TNRC6A: variants seen among roughly 807,000 people sequenced by gnomAD.
TNRC6A encodes the protein trinucleotide repeat containing adaptor 6A.
In TNRC6A, 44 loss-of-function variants were observed where a neutral mutation model predicts 221.2. The observed-to-expected ratio is 0.20, with a 90% CI of 0.16 to 0.26. The LOEUF (loss-of-function observed/expected upper bound fraction) is 0.26. Ranked by LOEUF, TNRC6A falls within the 10% of genes least tolerant of loss-of-function variation. TNRC6A has a pLI of 1.00. For synonymous variants in TNRC6A, 847 were observed against 838.5 expected (o/e 1.01, Z -0.18); for missense variants, 2,199 against 2,404.4 (o/e 0.91, Z 1.79).
rs57974727 is a variant in TNRC6A, at chr16:24,640,412, GAA to G, written n.277-461_277-460del. Among the ~76,000 whole-genome samples the G allele has an allele frequency of 6.2e-3, 846 of 136,140 alleles. 8 individuals are homozygous for G. The highest frequency in any genetic ancestry group is 0.021 in the African/African-American group (792 of 37,630). 89.3% of individuals were successfully genotyped at this position (136,140 alleles called of 152,430 possible). A position where few individuals can be genotyped will look rare whatever the true frequency, so the allele number is the denominator to read the frequency against. The stretch of plus-strand genomic sequence containing the variant: ...AAAATCCTGTCCAAAAAAAAAGAAA[GAA>G]AAAAAAAAAAGGAAGAAAAAGAAGG... On this transcript the variant is annotated intron_variant and non_coding_transcript_variant, in intron 1 of 2. Transcript: ENST00000566108.
In TNRC6A at chr16:24,689,989, T is replaced by TAAAAAAAAA. The variant is rs60944175; in HGVS notation, n.402+49010_402+49018dup. On this transcript the variant is annotated intron_variant and non_coding_transcript_variant, in intron 2 of 2. Transcript: ENST00000566108. ...TGGTCTCAAACTCCTAGGCTTAAAG[T>TAAAAAAAAA]AAAAAAAAAAAAAAAAAAAAAAAAA... 2.4e-4 allele frequency among the ~76,000 whole-genome samples: 23 copies of TAAAAAAAAA among 97,514 alleles called. 1 individual carries two copies. Among genetic ancestry groups the TAAAAAAAAA allele is most frequent in the African/African-American group, 6.8e-4 (19 of 27,796 alleles). The allele number at this position is 97,514 out of a possible 152,430, so 64.0% of individuals were successfully genotyped here.
intron 2 of TNRC6A, among the ~76,000 whole-genome samples, chr16:24,735,614 A>G (rs1366194824): frequency 6.6e-6 from 1 of 152,236 alleles, no homozygotes; most frequent in Non-Finnish European, 1.5e-5. Flanking sequence ...CTTAATTTAA[A>G]AATGTGTAAC....
intron 1 of TNRC6A, among the ~76,000 whole-genome samples, chr16:24,637,754 A>G (rs1025333267): frequency 1.2e-4 from 19 of 152,174 alleles, no homozygotes; most frequent in Non-Finnish European, 2.4e-4. Context: ...CACGTAGAGT[A>G]CATTCCATAT....
At chr16:24,771,149 A>T (rs1037215001) in intron 4 of TNRC6A, among the ~76,000 whole-genome samples, 3 of 152,236 alleles carry the variant, frequency 2.0e-5, no homozygotes, top group Admixed American at 1.3e-4. Context: ...AATTTTTTTT[A>T]AATGTATGTA....
chr16:24,690,022 AAAAAAT>A (rs1424435737), intron 2 of TNRC6A, among the ~76,000 whole-genome samples: 1 of 76,142 alleles, frequency 1.3e-5, no homozygotes, highest in Admixed American at 1.3e-4. Flanking sequence ...AAAAAAAAAA[AAAAAAT>A]TTTTTTTTTT....
intron 2 of TNRC6A, among the ~76,000 whole-genome samples, chr16:24,655,136 CA>C (rs1318733811): frequency 6.6e-6 from 1 of 151,982 alleles, no homozygotes; most frequent in African/African-American, 2.4e-5. Context: ...CCCAGCTACT[CA>C]GGAGGCTGAG....
upstream of TNRC6A, among the ~76,000 whole-genome samples, chr16:24,728,947 A>G (rs1207464711): frequency 6.6e-6 from 1 of 151,818 alleles, no homozygotes; most frequent in Non-Finnish European, 1.5e-5. Context: ...AATACATGCC[A>G]GTAGCTGTTT....
chr16:24,724,139 G>A (rs963914140), intron 2 of TNRC6A, among the ~76,000 whole-genome samples: 6 of 152,168 alleles, frequency 3.9e-5, no homozygotes, highest in Non-Finnish European at 5.9e-5. Context: ...ATAGAAAGAG[G>A]TGGTGTTACA....
chr16:24,702,746 A>G (rs2056012225), intron 2 of TNRC6A, among the ~76,000 whole-genome samples: 1 of 152,016 alleles, frequency 6.6e-6, no homozygotes, highest in African/African-American at 2.4e-5. Context: ...TAAAAAAATA[A>G]AGCATACAGC....
chr16:24,791,333 T>G lies in TNRC6A; in HGVS notation c.2691T>G (p.Thr897=), dbSNP rs1228531057. The change falls in exon 6 of 25, where the codon ACT becomes ACG. Residue 897 remains threonine (T), a synonymous_variant. Coordinates refer to ENST00000395799, the MANE Select transcript of TNRC6A (RefSeq NM_014494.4). The stretch of plus-strand genomic sequence containing the variant: ...AACTTGGTAAAACTAGTTCTTTCAC[T>G]TGGGGAAACAACATAAATCCAAATA... The part of the protein sequence containing the change: ...WNELGKTSSF[T]WGNNINPNNS... The G allele has an allele frequency of 1.9e-6, 3 of 1,604,700 alleles. No individual in the cohort carries two copies. In the African/African-American group the frequency reaches 4.0e-5, roughly 21 times the overall value.
chr16:24,778,613 C>A, intron 5 of TNRC6A: 1 of 473,520 alleles, frequency 2.1e-6, no homozygotes, highest in South Asian at 8.9e-5. Flanking sequence ...CTTTGCTAAT[C>A]TGTAAAACAG....
At chr16:24,655,840 T>TA (rs2054900407) in intron 2 of TNRC6A, among the ~76,000 whole-genome samples, 1 of 151,934 alleles carries the variant, frequency 6.6e-6, no homozygotes, top group Non-Finnish European at 1.5e-5. Flanking sequence ...AGATAATAGA[T>TA]ACATAGCAAG....
chr16:24,709,619 G>A (rs1456794485), intron 2 of TNRC6A, among the ~76,000 whole-genome samples: 1 of 151,692 alleles, frequency 6.6e-6, no homozygotes, highest in African/African-American at 2.4e-5. Flanking sequence ...GAGGCCAGGA[G>A]TTCCAGTCCA....
At chr16:24,771,550 T>TTA (rs1288820231) in intron 4 of TNRC6A, among the ~76,000 whole-genome samples, 1 of 101,578 alleles carries the variant, frequency 9.8e-6, no homozygotes, top group Middle Eastern at 4.9e-3. Flanking sequence ...TTATGTTATG[T>TTA]TATGTTATGT....
intron 5 of TNRC6A, among the ~76,000 whole-genome samples, chr16:24,781,885 C>T (rs1036401460): frequency 1.5e-4 from 23 of 151,488 alleles, no homozygotes; most frequent in African/African-American, 4.8e-4. Context: ...TGCAGTGGCA[C>T]GATCTCGGCT....
intron 2 of TNRC6A, among the ~76,000 whole-genome samples, chr16:24,734,965 G>A (rs183601698): frequency 1.6e-4 from 24 of 152,300 alleles, no homozygotes; most frequent in African/African-American, 4.6e-4. Context: ...ATGCTTTTGC[G>A]TGGGACAAAT....
At chr16:24,665,070 G>C in intron 2 of TNRC6A, 1 of 438,700 alleles carries the variant, frequency 2.3e-6, no homozygotes, top group Admixed American at 2.4e-5. Context: ...TTATTTGTTT[G>C]TTTATTTATG....
At chr16:24,778,278 A>G (rs759844667) in intron 5 of TNRC6A, 40 of 984,922 alleles carry the variant, frequency 4.1e-5, no homozygotes, top group Non-Finnish European at 4.6e-5. Context: ...CACTTTCTAT[A>G]CCTGTGCTCT....
intron 2 of TNRC6A, among the ~76,000 whole-genome samples, chr16:24,684,442 T>A (rs1199485335): frequency 6.6e-6 from 1 of 151,636 alleles, no homozygotes; most frequent in Non-Finnish European, 1.5e-5. Flanking sequence ...TTATAGATGC[T>A]GAAATTTGAA....
Sources: allele counts gnomAD v4.1 joint callset (sites outside exome capture counted in the v4.1 genomes callset), GRCh38; gene constraint gnomAD v4.1.1; transcripts MANE v1.5; gene names NCBI Gene and HGNC (gene_info 2026-07-23, HGNC 2026-07-21).